DIS3L2: variants seen among roughly 807,000 people sequenced by gnomAD.
DIS3L2 encodes the protein DIS3-like exonuclease 2.
In DIS3L2, 34 loss-of-function variants were observed where a neutral mutation model predicts 97.5. The ratio of observed to expected loss-of-function variants is 0.35; its 90% CI spans 0.27 to 0.46. The LOEUF (loss-of-function observed/expected upper bound fraction) is 0.46, where lower values mean the gene tolerates loss of function less well. DIS3L2 is among the 20% of genes least tolerant of loss of function. DIS3L2 has a pLI of 1.00. For synonymous variants in DIS3L2, 435 were observed against 445.2 expected (o/e 0.98, Z 0.29); for missense variants, 1,038 against 1,146.0 (o/e 0.91, Z 1.36).
intron 6 of DIS3L2, among the ~76,000 whole-genome samples, chr2:232,115,543 A>G (rs1697680548): frequency 6.6e-6 from 1 of 152,144 alleles, no homozygotes; most frequent in South Asian, 2.1e-4. Context: ...CCTGTGAATG[A>G]TATGGTTTGG....
intron 13 of DIS3L2, among the ~76,000 whole-genome samples, chr2:232,277,567 A>G (rs1170139044): frequency 6.6e-6 from 1 of 152,084 alleles, no homozygotes; most frequent in African/African-American, 2.4e-5. Flanking sequence ...TATTTTATAA[A>G]AATTTAGAAA....
chr2:232,210,478 T>A, intron 10 of DIS3L2, 73 bp downstream of exon 10: 1 of 1,379,408 alleles, frequency 7.2e-7, no homozygotes, highest in Non-Finnish European at 1.0e-6. Flanking sequence ...CTGGCTGCCC[T>A]GTGCTGCCTA....
intron 5 of DIS3L2, among the ~76,000 whole-genome samples, chr2:232,050,478 C>G (rs1695370323): frequency 6.6e-6 from 1 of 150,748 alleles, no homozygotes; most frequent in Middle Eastern, 3.4e-3. Flanking sequence ...AGGGTTTCAT[C>G]ATGTTGGCCA....
Position 232,336,801 on chromosome 2 carries a change from G to A in DIS3L2, c.*171G>A. The A allele has an allele frequency of 7.0e-7, 1 of 1,433,984 alleles. No individual in the cohort carries two copies. The allele number at this position is 1,433,984 out of a possible 1,614,324, so 88.8% of individuals were successfully genotyped here. A position where few individuals can be genotyped will look rare whatever the true frequency, so the allele number is the denominator to read the frequency against. On this transcript the variant is annotated 3_prime_UTR_variant, in exon 21 of 21. Transcript: ENST00000325385. ...ACTTTTAAACAAACTGCAGGGGAGA[G>A]GGTGGGGCTGGAAGGAAGGCTGAGG... is the stretch of plus-strand genomic sequence containing the variant.
At chr2:232,005,008 T>C (rs919491619) in intron 1 of DIS3L2, among the ~76,000 whole-genome samples, 2 of 152,182 alleles carry the variant, frequency 1.3e-5, no homozygotes, top group Admixed American at 6.5e-5. Flanking sequence ...AGTTCTTGTC[T>C]GATAGTTCTA....
chr2:232,015,739 T>C (rs1231557845), intron 3 of DIS3L2, 68 bp downstream of exon 3: 4 of 1,564,082 alleles, frequency 2.6e-6, no homozygotes, highest in Non-Finnish European at 3.5e-6. Flanking sequence ...TTAAACTGTT[T>C]CCTGTTCTGT....
At chr2:232,258,516 G>A (rs1302037094) in intron 12 of DIS3L2, among the ~76,000 whole-genome samples, 6 of 151,348 alleles carry the variant, frequency 4.0e-5, no homozygotes, top group Non-Finnish European at 8.8e-5. Context: ...CCCGGGAGGC[G>A]GAGGTTGCAG....
intron 5 of DIS3L2, among the ~76,000 whole-genome samples, chr2:232,038,144 A>G (rs963181191): frequency 2.0e-5 from 3 of 152,182 alleles, no homozygotes; most frequent in African/African-American, 7.2e-5. Flanking sequence ...TGTTTTAGGT[A>G]TATAGGTTGA....
At chr2:232,063,791 C>T (rs1300318162) in intron 5 of DIS3L2, among the ~76,000 whole-genome samples, 1 of 151,978 alleles carries the variant, frequency 6.6e-6, no homozygotes, top group Admixed American at 6.6e-5. Context: ...CCAATACTAG[C>T]GATGTGGTTT....
chr2:232,101,088 T>C (rs143579021), intron 6 of DIS3L2, among the ~76,000 whole-genome samples: 5,033 of 151,908 alleles, frequency 0.033, 269 homozygotes, highest in African/African-American at 0.11. Context: ...ATACAAAAAT[T>C]AGGCGTGGTG....
intron 9 of DIS3L2, among the ~76,000 whole-genome samples, chr2:232,208,315 T>C (rs1692088732): frequency 6.6e-6 from 1 of 151,854 alleles, no homozygotes; most frequent in African/African-American, 2.4e-5. Context: ...CCACCCTTTT[T>C]TGTTTTTGTG....
chr2:232,222,808 T>G (rs997773304), intron 10 of DIS3L2, among the ~76,000 whole-genome samples: 1 of 152,254 alleles, frequency 6.6e-6, no homozygotes, highest in Non-Finnish European at 1.5e-5. Context: ...TATGATCATT[T>G]TTTACTGAAT....
intron 5 of DIS3L2, among the ~76,000 whole-genome samples, chr2:232,084,040 AG>A: frequency 6.6e-6 from 1 of 152,232 alleles, no homozygotes; most frequent in Non-Finnish European, 1.5e-5. Flanking sequence ...GAGGATGGTC[AG>A]GGGCAGATGT....
At chr2:231,962,960 A>ATTT (rs35614398) in intron 1 of DIS3L2, among the ~76,000 whole-genome samples, 21 of 149,072 alleles carry the variant, frequency 1.4e-4, no homozygotes, top group African/African-American at 3.4e-4. Context: ...GTACATCCAC[A>ATTT]TTTTTTTTTT....
intron 1 of DIS3L2, among the ~76,000 whole-genome samples, chr2:231,984,658 G>A (rs1400687044): frequency 6.6e-6 from 1 of 152,066 alleles, no homozygotes; most frequent in Non-Finnish European, 1.5e-5. Flanking sequence ...TTCCCAAAGT[G>A]CTGGGATTAC....
At chr2:232,111,142 G>T (rs1208860654) in intron 6 of DIS3L2, 1 of 424,100 alleles carries the variant, frequency 2.4e-6, no homozygotes, top group Non-Finnish European at 4.9e-6. Context: ...TTAAAAAACT[G>T]CTGTGCTTAA....
At chr2:232,240,136 G>A (rs915773162) in intron 11 of DIS3L2, among the ~76,000 whole-genome samples, 20 of 152,176 alleles carry the variant, frequency 1.3e-4, no homozygotes, top group African/African-American at 2.9e-4. Flanking sequence ...TGCCATAGCC[G>A]CCTTCAATAT....
chr2:232,100,713 A>G (rs1697171213), intron 6 of DIS3L2, among the ~76,000 whole-genome samples: 1 of 151,978 alleles, frequency 6.6e-6, no homozygotes, highest in Non-Finnish European at 1.5e-5. Context: ...GGATGTCTGT[A>G]TATTTAATTC....
chr2:232,259,011 G>A (rs996440939), intron 12 of DIS3L2, among the ~76,000 whole-genome samples: 1 of 152,188 alleles, frequency 6.6e-6, no homozygotes, highest in Non-Finnish European at 1.5e-5. Context: ...GCACTGGACT[G>A]TGTTAAGGCA....
Sources: allele counts gnomAD v4.1 joint callset (sites outside exome capture counted in the v4.1 genomes callset), GRCh38; gene constraint gnomAD v4.1.1; transcripts MANE v1.5; gene names NCBI Gene and HGNC (gene_info 2026-07-23, HGNC 2026-07-21).